DOCK3: variants seen among roughly 807,000 people sequenced by gnomAD.
DOCK3 encodes the protein dedicator of cytokinesis protein 3.
Under a neutral mutation model 265.6 loss-of-function variants are expected in DOCK3, and 60 were observed. The ratio of observed to expected loss-of-function variants is 0.23; its 90% CI spans 0.18 to 0.28. The LOEUF (loss-of-function observed/expected upper bound fraction) is 0.28. DOCK3 is among the 10% of genes least tolerant of loss of function. The probability of loss-of-function intolerance (pLI) is 1.00; values close to 1 mark genes in which losing one functional copy is unlikely to be tolerated. For synonymous variants in DOCK3, 881 were observed against 938.0 expected (o/e 0.94, Z 1.11); for missense variants, 1,981 against 2,594.3 (o/e 0.76, Z 5.14).
intron 5 of DOCK3, among the ~76,000 whole-genome samples, chr3:50,988,833 G>C (rs936409104): frequency 2.0e-5 from 3 of 152,150 alleles, no homozygotes; most frequent in Non-Finnish European, 2.9e-5. Flanking sequence ...TCACTGGGCA[G>C]GTCCTCCAGG....
Position 50,890,011 on chromosome 3 carries a change from T to C in DOCK3, c.163-15T>C. 7.1e-7 allele frequency: 1 copy of C among 1,400,898 alleles called. No homozygotes were observed. The highest frequency in any genetic ancestry group is 9.2e-7 in the Non-Finnish European group (1 of 1,083,946). 86.8% of individuals were successfully genotyped at this position (1,400,898 alleles called of 1,614,324 possible). On this transcript the variant is annotated splice_polypyrimidine_tract_variant and intron_variant, in intron 3 of 52. Coordinates refer to ENST00000266037, the MANE Select transcript of DOCK3 (RefSeq NM_004947.5). ...ATTTTATTTTTTCTAACAGGAAATATTTTCTCTTTTACAGGGGATCTTTCC... is the reference window on the plus strand; with the variant it reads ...ATTTTATTTTTTCTAACAGGAAATACTTTCTCTTTTACAGGGGATCTTTCC...
At chr3:51,177,369 A>G (rs2087015812) in intron 12 of DOCK3, among the ~76,000 whole-genome samples, 1 of 152,206 alleles carries the variant, frequency 6.6e-6, no homozygotes, top group Admixed American at 6.5e-5. Flanking sequence ...TTGGGCTATC[A>G]TACTTCTTGT....
intron 2 of DOCK3, among the ~76,000 whole-genome samples, chr3:50,808,108 A>G (rs1418823191): frequency 1.3e-5 from 2 of 152,206 alleles, no homozygotes; most frequent in Non-Finnish European, 2.9e-5. Flanking sequence ...GAATAAAACA[A>G]TGCTATTTAT....
At chr3:50,844,483 A>G (rs563087860) in intron 3 of DOCK3, among the ~76,000 whole-genome samples, 2 of 152,222 alleles carry the variant, frequency 1.3e-5, no homozygotes, top group East Asian at 3.9e-4. Context: ...AGCCTCCCAA[A>G]GTGCTGGGAT....
intron 3 of DOCK3, among the ~76,000 whole-genome samples, chr3:50,886,508 C>A (rs901915184): frequency 1.5e-4 from 22 of 151,300 alleles, no homozygotes; most frequent in Non-Finnish European, 3.1e-4. Flanking sequence ...GCTGCACCCA[C>A]TAACTGGTCA....
chr3:51,220,670 A>AAATATATAT (rs1553797647), intron 14 of DOCK3, among the ~76,000 whole-genome samples: 1 of 108,068 alleles, frequency 9.3e-6, no homozygotes, highest in African/African-American at 4.1e-5. Flanking sequence ...AAAAAAAAAA[A>AAATATATAT]ATATATATAT....
At position 51,367,445 on chromosome 3, in the gene DOCK3, A is replaced by G. The variant is rs560609895; in HGVS notation, c.5293+4771A>G. Among the ~76,000 whole-genome samples the G allele has an allele frequency of 9.5e-4, 145 of 152,136 alleles. 1 individual carries two copies. Among genetic ancestry groups the G allele is most frequent in the Non-Finnish European group, 1.7e-3 (115 of 68,014 alleles). ...CTGATGGGTCTTGACTCTTTATCCA[A>G]TTTGCCAGTCTGTGTCTTTTAACTG... On this transcript the variant is annotated intron_variant, in intron 49 of 52. Coordinates refer to ENST00000266037, the MANE Select transcript of DOCK3 (RefSeq NM_004947.5).
chr3:51,188,076 CCTTT>C (rs1249658234), intron 12 of DOCK3, among the ~76,000 whole-genome samples: 1 of 152,154 alleles, frequency 6.6e-6, no homozygotes, highest in Non-Finnish European at 1.5e-5. Flanking sequence ...ACGGAGCCTT[CCTTT>C]CTTTATCTGT....
intron 48 of DOCK3, 69 bp downstream of exon 48, chr3:51,362,066 T>G (rs1479949970): frequency 2.5e-5 from 38 of 1,518,256 alleles, no homozygotes; most frequent in Non-Finnish European, 3.4e-5. Flanking sequence ...TGTTGCAATG[T>G]CTAGTCTGAG....
chr3:51,121,406 T>G (rs896715679), intron 9 of DOCK3, among the ~76,000 whole-genome samples: 1 of 152,150 alleles, frequency 6.6e-6, no homozygotes, highest in Non-Finnish European at 1.5e-5. Flanking sequence ...TTGGTCTTGC[T>G]GAGAGCTGCA....
Position 51,333,177 on chromosome 3 carries a change from C to A in DOCK3, c.3535C>A (p.Gln1179Lys), listed in dbSNP as rs1308264598. 6.2e-7 allele frequency: 1 copy of A among 1,613,968 alleles called. No homozygotes were observed. Among genetic ancestry groups the A allele is most frequent in the Non-Finnish European group, 8.5e-7 (1 of 1,179,892 alleles). Residue 1179 changes from glutamine to lysine, a missense_variant, in exon 35 of 53, where the codon CAA becomes AAA. By Grantham distance (53) the Gln-to-Lys change is moderately conservative. Around this residue, in one of 4 missense-constraint regions of DOCK3, gnomAD observed 1,357 missense variants for 1,866.8 expected, o/e 0.73. Transcript: ENST00000266037. ...CAATAGCCTGCTGGAGAAGGTTGAA[C>A]AAGAAACATGGCGCGAGACCGGCAT... ...PYPSLLEKVE[Q>K]ETWRETGISF... is the part of the protein sequence containing the mutation.
chr3:51,379,819 G>A (rs997557939), intron 51 of DOCK3, among the ~76,000 whole-genome samples: 3 of 152,264 alleles, frequency 2.0e-5, no homozygotes, highest in Non-Finnish European at 4.4e-5. Context: ...GACTGTGCCA[G>A]GCACACTTCT....
rs372812116 is a variant in DOCK3 at position 51,146,504 on chromosome 3, G to A, written c.747-45G>A. 1.1e-4 allele frequency: 176 copies of A among 1,541,060 alleles called. 1 individual carries two copies. In the East Asian group the frequency reaches 3.5e-3, roughly 31 times the overall value. On this transcript the variant is annotated intron_variant, in intron 9 of 52. Coordinates refer to ENST00000266037, the MANE Select transcript of DOCK3 (RefSeq NM_004947.5). ...ATCTGCCCTTTTTCTTTGTTCTGGA[G>A]TGTGTTACTCACATTTCTCTATATC... is the stretch of plus-strand genomic sequence containing the variant.
intron 4 of DOCK3, chr3:50,900,881 C>CCAGAGCT: frequency 2.4e-6 from 1 of 425,364 alleles, no homozygotes; most frequent in Non-Finnish European, 4.6e-6. Context: ...CAGATGCCAG[C>CCAGAGCT]CAGAGCTCTC....
chr3:50,820,327 T>C (rs2044334836), intron 2 of DOCK3, among the ~76,000 whole-genome samples: 1 of 152,176 alleles, frequency 6.6e-6, no homozygotes, highest in Admixed American at 6.5e-5. Flanking sequence ...GGAGCGATCA[T>C]GTATCATTTT....
chr3:50,912,724 G>GCCACAGGC (rs761363976), intron 4 of DOCK3, among the ~76,000 whole-genome samples: 6 of 151,700 alleles, frequency 4.0e-5, no homozygotes, highest in African/African-American at 7.3e-5. Context: ...AGCCACTGCT[G>GCCACAGGC]CCACAGGCCC....
chr3:50,864,817 A>G (rs1313600356), intron 3 of DOCK3, among the ~76,000 whole-genome samples: 1 of 151,950 alleles, frequency 6.6e-6, no homozygotes, highest in East Asian at 1.9e-4. Flanking sequence ...TTTTTATGCC[A>G]GTCATGCTGT....
chr3:51,012,064 G>C (rs944792556), intron 5 of DOCK3, among the ~76,000 whole-genome samples: 1 of 152,170 alleles, frequency 6.6e-6, no homozygotes, highest in Non-Finnish European at 1.5e-5. Context: ...TAGGCTACTC[G>C]GGGGTCAGGG....
At chr3:51,038,236 G>A (rs1435233159) in intron 5 of DOCK3, among the ~76,000 whole-genome samples, 1 of 152,164 alleles carries the variant, frequency 6.6e-6, no homozygotes, top group Non-Finnish European at 1.5e-5. Context: ...TATGTATAGG[G>A]TATATATGGT....
Sources: gnomAD v4.1 joint callset for allele counts (sites outside exome capture counted in the v4.1 genomes callset) on GRCh38, gnomAD v4.1.1 for gene constraint, gnomAD v4.1.1 regional missense constraint, MANE v1.5 for transcripts, NCBI Gene and HGNC (gene_info 2026-07-23, HGNC 2026-07-21) for gene names.